The following NELL1 variants were observed in gnomAD, a reference collection of about 807,000 sequenced individuals.
NELL1 encodes the protein neural EGFL like 1, also known as protein kinase C-binding protein NELL1.
NELL1 carries 76 observed loss-of-function variants against 107.4 expected under a neutral mutation model. The observed-to-expected ratio is 0.71, with a 90% CI of 0.59 to 0.86. The LOEUF (loss-of-function observed/expected upper bound fraction) is 0.86, where lower values mean the gene tolerates loss of function less well. Ranked by LOEUF, NELL1 falls within the 40% of genes least tolerant of loss-of-function variation. The pLI, the probability that NELL1 is intolerant of heterozygous loss-of-function variation, is 0.00. For synonymous variants in NELL1, 353 were observed against 341.2 expected, an observed-to-expected ratio of 1.03 and a Z score of -0.38; for missense variants, 1,024 against 1,005.5, an observed-to-expected ratio of 1.02 and a Z score of -0.25.
chr11:20,735,512 G>T (rs1367350167), intron 2 of NELL1, among the ~76,000 whole-genome samples: 2 of 152,120 alleles, frequency 1.3e-5, no homozygotes, highest in African/African-American at 2.4e-5. Flanking sequence ...CAGCATGGGG[G>T]TAACTGCCCG....
intron 13 of NELL1, chr11:21,170,027 G>C (rs1856570073): frequency 1.7e-6 from 2 of 1,195,808 alleles, no homozygotes; most frequent in African/African-American, 1.5e-5. Flanking sequence ...GGACAGGGTT[G>C]TCATCAGCAC....
chr11:21,068,030 C>T (rs1172765654), intron 12 of NELL1, among the ~76,000 whole-genome samples: 1 of 15,566 alleles, frequency 6.4e-5, no homozygotes, highest in African/African-American at 5.2e-4. Flanking sequence ...GAGATGCCAT[C>T]TCAAAAAAAA....
intron 3 of NELL1, among the ~76,000 whole-genome samples, chr11:20,818,548 G>A (rs765348577): frequency 6.6e-6 from 1 of 151,836 alleles, no homozygotes; most frequent in Non-Finnish European, 1.5e-5. Flanking sequence ...AAATCAGATT[G>A]GGAAGACATT....
At chr11:21,358,555 T>A (rs935347065) in intron 14 of NELL1, among the ~76,000 whole-genome samples, 5 of 145,348 alleles carry the variant, frequency 3.4e-5, no homozygotes, top group Non-Finnish European at 7.5e-5. Flanking sequence ...CATGCCACCA[T>A]GCCCTGATAA....
intron 2 of NELL1, among the ~76,000 whole-genome samples, chr11:20,745,528 T>C (rs1392453186): frequency 1.3e-5 from 2 of 152,180 alleles, no homozygotes; most frequent in Non-Finnish European, 2.9e-5. Flanking sequence ...TGTTGCTAAG[T>C]AGTTGAGTCC....
intron 3 of NELL1, among the ~76,000 whole-genome samples, chr11:20,788,559 A>G (rs778806983): frequency 6.6e-6 from 1 of 151,588 alleles, no homozygotes; most frequent in Non-Finnish European, 1.5e-5. Flanking sequence ...TTGTCTTTCT[A>G]TCATTGATTT....
At chr11:21,133,330 A>G (rs1389261321) in intron 13 of NELL1, among the ~76,000 whole-genome samples, 2 of 152,164 alleles carry the variant, frequency 1.3e-5, no homozygotes, top group Non-Finnish European at 2.9e-5. Flanking sequence ...GAAAGTTTTC[A>G]TTCCAGTTGG....
At chr11:20,803,824 G>A (rs567712750) in intron 3 of NELL1, among the ~76,000 whole-genome samples, 1 of 152,178 alleles carries the variant, frequency 6.6e-6, no homozygotes, top group African/African-American at 2.4e-5. Flanking sequence ...CTTAATCTGG[G>A]TGGGCACAGT....
intron 7 of NELL1, among the ~76,000 whole-genome samples, chr11:20,922,991 G>T (rs1405340432): frequency 1.3e-5 from 2 of 152,068 alleles, no homozygotes; most frequent in Non-Finnish European, 2.9e-5. Context: ...TGGGATGATG[G>T]TTCCTTAGAG....
At chr11:21,320,570 A>G (rs1363042052) in intron 14 of NELL1, among the ~76,000 whole-genome samples, 1 of 152,156 alleles carries the variant, frequency 6.6e-6, no homozygotes, top group Admixed American at 6.5e-5. Flanking sequence ...TGTGATTCCT[A>G]TTTGACAGAT....
intron 4 of NELL1, among the ~76,000 whole-genome samples, chr11:20,876,487 C>T (rs115139590): frequency 0.035 from 5,387 of 152,234 alleles, 320 homozygotes; most frequent in African/African-American, 0.12. Flanking sequence ...AGTTCATCGC[C>T]GGGCACGGTG....
chr11:20,807,578 G>T (rs796257678), intron 3 of NELL1, among the ~76,000 whole-genome samples: 5 of 152,272 alleles, frequency 3.3e-5, no homozygotes, highest in African/African-American at 9.6e-5. Flanking sequence ...AAGGCCCTAG[G>T]GCTCTGCATT....
rs1181725050 is a variant in NELL1, at chr11:20,871,786, G to A, written c.507-13658G>A. 2.0e-5 allele frequency among the ~76,000 whole-genome samples: 3 copies of A among 151,854 alleles called. No individual in the cohort carries two copies. In the East Asian group the frequency reaches 5.9e-4, roughly 30 times the overall value. The stretch of plus-strand genomic sequence containing the variant: ...TGTAATCCCAGCACTTTGGGAGGCC[G>A]AGGCGGGCAGATCACGAGGTCAGGA... On this transcript the variant is annotated intron_variant, in intron 4 of 19. Transcript: ENST00000357134.
intron 15 of NELL1, among the ~76,000 whole-genome samples, chr11:21,481,371 G>A (rs923300360): frequency 1.3e-5 from 2 of 152,200 alleles, no homozygotes; most frequent in African/African-American, 4.8e-5. Flanking sequence ...TCATTCCTCT[G>A]AGAAAGGGTT....
At chr11:21,567,108 C>G (rs561427206) in intron 17 of NELL1, among the ~76,000 whole-genome samples, 19 of 151,948 alleles carry the variant, frequency 1.3e-4, no homozygotes, top group East Asian at 5.9e-4. Flanking sequence ...TTGATGCCAG[C>G]CACAGACACA....
chr11:21,431,225 A>C (rs905670244), intron 15 of NELL1, among the ~76,000 whole-genome samples: 3 of 152,068 alleles, frequency 2.0e-5, no homozygotes, highest in Non-Finnish European at 2.9e-5. Context: ...GTCTGCACTG[A>C]TGATATATTT....
intron 14 of NELL1, among the ~76,000 whole-genome samples, chr11:21,360,401 G>A (rs1851048815): frequency 6.6e-6 from 1 of 151,994 alleles, no homozygotes; most frequent in African/African-American, 2.4e-5. Flanking sequence ...CTTGTTTTGT[G>A]GCCTATCATA....
intron 12 of NELL1, among the ~76,000 whole-genome samples, chr11:21,062,858 C>T (rs1424565255): frequency 1.3e-5 from 2 of 152,060 alleles, no homozygotes; most frequent in African/African-American, 2.4e-5. Context: ...GACAGAGTCT[C>T]ACTCTGTCGC....
intron 10 of NELL1, among the ~76,000 whole-genome samples, chr11:20,946,879 C>T (rs1210437488): frequency 6.6e-6 from 1 of 152,168 alleles, no homozygotes. Flanking sequence ...GTTCACAAAG[C>T]CTGTTATCCA....
Sources: gnomAD v4.1 joint callset for allele counts (sites outside exome capture counted in the v4.1 genomes callset) on GRCh38, gnomAD v4.1.1 for gene constraint, MANE v1.5 for transcripts, NCBI Gene and HGNC (gene_info 2026-07-23, HGNC 2026-07-21) for gene names.